LDAH: variants seen among roughly 807,000 people sequenced by gnomAD.
The protein encoded by LDAH is lipid droplet-associated hydrolase.
Under a neutral mutation model 29.6 loss-of-function variants are expected in LDAH, and 26 were observed. The observed-to-expected ratio is 0.88, with a 90% CI of 0.64 to 1.22. LDAH has a LOEUF of 1.22. Among genes scored for constraint, LDAH ranks in the 50% most tolerant of loss-of-function variants. The pLI, the probability that LDAH is intolerant of heterozygous loss-of-function variation, is 0.00. For synonymous variants in LDAH, 117 were observed against 133.0 expected (o/e 0.88, Z 0.83); for missense variants, 344 against 387.3 (o/e 0.89, Z 0.94).
intron 5 of LDAH, among the ~76,000 whole-genome samples, chr2:20,707,193 A>G (rs1250893307): frequency 1.3e-5 from 2 of 152,166 alleles, no homozygotes; most frequent in Non-Finnish European, 2.9e-5. Context: ...ACATCTAGGA[A>G]CTACTCCTAT....
intron 6 of LDAH, among the ~76,000 whole-genome samples, chr2:20,688,534 T>C (rs1004062366): frequency 6.6e-6 from 1 of 151,972 alleles, no homozygotes; most frequent in African/African-American, 2.4e-5. Flanking sequence ...AGAAGAAGGA[T>C]TGGAGGTGAT....
At position 20,801,484 on chromosome 2, in the gene LDAH, G is replaced by A; in HGVS notation, c.-2-19C>T. On this transcript the variant is annotated intron_variant, in intron 1 of 6. Coordinates refer to ENST00000237822, the MANE Select transcript of LDAH (RefSeq NM_021925.4). ...TCCATTTCTAAATAAGGGGAGAAAA[G>A]TAGTATGAAGAGTCAGTAAAATGTA... 6.2e-7 allele frequency: 1 copy of A among 1,604,468 alleles called. No homozygotes were observed. Among genetic ancestry groups the A allele is most frequent in the African/African-American group, 1.3e-5 (1 of 74,696 alleles).
intron 4 of LDAH, among the ~76,000 whole-genome samples, chr2:20,768,665 T>C (rs992700761): frequency 1.3e-5 from 2 of 152,154 alleles, no homozygotes; most frequent in Non-Finnish European, 2.9e-5. Flanking sequence ...AGGCAAAGAT[T>C]CCGCCAACCA....
intron 4 of LDAH, among the ~76,000 whole-genome samples, chr2:20,767,664 G>C (rs1367136513): frequency 1.3e-5 from 2 of 152,202 alleles, no homozygotes; most frequent in African/African-American, 4.8e-5. Flanking sequence ...GCCAGGGAGG[G>C]TTTGAAGGCT....
chr2:20,776,734 A>C (rs920569171), intron 3 of LDAH, among the ~76,000 whole-genome samples: 1 of 152,154 alleles, frequency 6.6e-6, no homozygotes, highest in Non-Finnish European at 1.5e-5. Flanking sequence ...TGAAGAGTTT[A>C]TACCTTGCTT....
chr2:20,689,952 C>T (rs1572398414), intron 6 of LDAH, among the ~76,000 whole-genome samples: 1 of 152,212 alleles, frequency 6.6e-6, no homozygotes, highest in Admixed American at 6.5e-5. Context: ...CAGAAAAGAC[C>T]TCATCTAATA....
At position 20,698,770 on chromosome 2, in the gene LDAH, C is replaced by G. The variant is rs556178545; in HGVS notation, c.786+2800G>C. ...AACAACCATGAGTCTGTTATATTTG[C>G]TCCAGGAAAGAAAAATTATTTTAAT... is the stretch of plus-strand genomic sequence containing the variant. On this transcript the variant is annotated intron_variant, in intron 6 of 6. Transcript: ENST00000237822. This position sits in a 1 kb window ranked among gnomAD's most constrained non-coding sequence, Gnocchi z 4.4. 1.2e-4 allele frequency among the ~76,000 whole-genome samples: 18 copies of G among 152,318 alleles called. No individual in the cohort carries two copies. Among genetic ancestry groups the G allele is most frequent in the Non-Finnish European group, 2.6e-4 (18 of 68,024 alleles).
At chr2:20,813,368 C>T (rs533238643) in intron 1 of LDAH, among the ~76,000 whole-genome samples, 18 of 152,232 alleles carry the variant, frequency 1.2e-4, no homozygotes, top group Admixed American at 3.9e-4. Flanking sequence ...TACTTCTATG[C>T]ATTTTGCTTT....
chr2:20,784,074 T>C (rs1267191924), intron 3 of LDAH, among the ~76,000 whole-genome samples: 1 of 152,186 alleles, frequency 6.6e-6, no homozygotes, highest in Non-Finnish European at 1.5e-5. Flanking sequence ...CAACAATCTG[T>C]GTATTTTAAT....
At chr2:20,772,070 T>G (rs1669472059) in intron 4 of LDAH, among the ~76,000 whole-genome samples, 1 of 152,360 alleles carries the variant, frequency 6.6e-6, no homozygotes, top group African/African-American at 2.4e-5. Flanking sequence ...TGCATTCTAC[T>G]TCTTTCCCAA....
At chr2:20,688,828 CTTTTTTTTT>C (rs57543886) in intron 6 of LDAH, among the ~76,000 whole-genome samples, 2 of 112,018 alleles carry the variant, frequency 1.8e-5, no homozygotes, top group South Asian at 6.3e-4. Flanking sequence ...TGGAGGTTTC[CTTTTTTTTT>C]TTTTTTTTTT....
intron 5 of LDAH, among the ~76,000 whole-genome samples, chr2:20,722,094 G>T (rs559448952): frequency 6.6e-6 from 1 of 152,106 alleles, no homozygotes; most frequent in African/African-American, 2.4e-5. Context: ...TGAATCTTAC[G>T]GCTGGGCACA....
At chr2:20,702,595 C>G (rs1180304109) in intron 5 of LDAH, among the ~76,000 whole-genome samples, 1 of 152,098 alleles carries the variant, frequency 6.6e-6, no homozygotes, top group Non-Finnish European at 1.5e-5. Context: ...AATTTTCCTC[C>G]CCACCCAGGA....
intron 1 of LDAH, among the ~76,000 whole-genome samples, chr2:20,816,939 A>C (rs575029341): frequency 1.3e-5 from 2 of 152,210 alleles, no homozygotes; most frequent in East Asian, 3.9e-4. Flanking sequence ...AACACTTGGA[A>C]ACTAAATGAC....
intron 1 of LDAH, among the ~76,000 whole-genome samples, chr2:20,819,869 C>T (rs997507328): frequency 4.6e-5 from 7 of 152,152 alleles, no homozygotes; most frequent in South Asian, 2.1e-4. Flanking sequence ...AAAACCCCAT[C>T]GTCTCAGCCC....
intron 6 of LDAH, among the ~76,000 whole-genome samples, chr2:20,688,956 A>C (rs1368101313): frequency 6.6e-6 from 1 of 150,526 alleles, no homozygotes; most frequent in East Asian, 2.0e-4. Context: ...CGTCATCTAC[A>C]TTAGGTATTT....
intron 4 of LDAH, among the ~76,000 whole-genome samples, chr2:20,769,283 C>T (rs1485383224): frequency 6.6e-6 from 1 of 152,192 alleles, no homozygotes; most frequent in Non-Finnish European, 1.5e-5. Flanking sequence ...ACAACCCTCT[C>T]CACAAAACTT....
intron 6 of LDAH, among the ~76,000 whole-genome samples, chr2:20,694,009 T>C (rs1328239497): frequency 1.3e-5 from 2 of 152,264 alleles, no homozygotes; most frequent in African/African-American, 4.8e-5. Flanking sequence ...AGGTTTTCTT[T>C]CCTTCTTTGA....
Position 20,686,937 on chromosome 2 carries a change from G to C in LDAH, c.944C>G (p.Ala315Gly). The C allele has an allele frequency of 6.2e-7, 1 of 1,613,964 alleles. No individual in the cohort carries two copies. Among genetic ancestry groups the C allele is most frequent in the Non-Finnish European group, 8.5e-7 (1 of 1,179,912 alleles). The change falls in exon 7 of 7, where the codon GCT becomes GGT. Residue 315 changes from alanine to glycine, a missense_variant. By Grantham distance (60) the Ala-to-Gly change is moderately conservative (BLOSUM62 0). Coordinates refer to ENST00000237822, the MANE Select transcript of LDAH (RefSeq NM_021925.4). The part of the protein sequence containing the change: ...HFNQEMADMI[A>G]DSLKDDLSKM ...GGACAAGTCATCCTTTAGGGAGTCA[G>C]CAATCATGTCTGCCATTTCCTGGTT...
Sources: gnomAD v4.1 joint callset for allele counts (sites outside exome capture counted in the v4.1 genomes callset) on GRCh38, gnomAD v4.1.1 for gene constraint, Gnocchi (gnomAD v3.1) non-coding constraint, MANE v1.5 for transcripts, NCBI Gene and HGNC (gene_info 2026-07-23, HGNC 2026-07-21) for gene names.